Variants in MAGI3 observed in about 807,000 individuals in gnomAD.
MAGI3 encodes membrane associated guanylate kinase, WW and PDZ domain containing 3, also known as membrane-associated guanylate kinase, WW and PDZ domain-containing protein 3.
MAGI3 carries 43 observed loss-of-function variants against 121.8 expected under a neutral mutation model. The observed-to-expected ratio is 0.35, with a 90% confidence interval of 0.28 to 0.46. The LOEUF (loss-of-function observed/expected upper bound fraction) is 0.46. Among genes scored for constraint, MAGI3 ranks in the 20% least tolerant of loss-of-function variants. MAGI3 has a pLI of 1.00. For missense variants in MAGI3, 1,547 were observed against 1,797.3 expected (o/e 0.86, Z 2.52); for synonymous variants, 553 against 639.3 (o/e 0.86, Z 2.04).
rs188419468 is a variant in MAGI3, at chr1:113,547,036, T to C, written c.317-2479T>C. On this transcript the variant is annotated intron_variant, in intron 1 of 20. Transcript: ENST00000307546. ...AGGCGGAGGTTGCAGTGAGCCAAGA[T>C]TGTGCCACTGCACTCCAACCTGGGC... is the stretch of plus-strand genomic sequence containing the variant. Among the ~76,000 whole-genome samples the C allele has an allele frequency of 5.7e-3, 854 of 150,744 alleles. 6 individuals carry two copies. Among genetic ancestry groups the C allele is most frequent in the African/African-American group, 0.02 (820 of 40,908 alleles).
chr1:113,602,466 G>T (rs920335268), intron 6 of MAGI3, among the ~76,000 whole-genome samples: 1 of 152,174 alleles, frequency 6.6e-6, no homozygotes, highest in African/African-American at 2.4e-5. Context: ...GCAAAGCAGT[G>T]CTGAGAAGAA....
At chr1:113,665,787 T>C (rs886518596) in intron 16 of MAGI3, among the ~76,000 whole-genome samples, 1 of 152,148 alleles carries the variant, frequency 6.6e-6, no homozygotes, top group African/African-American at 2.4e-5. Context: ...ATAATGTTTA[T>C]TGCTGTAGTT....
chr1:113,633,073 T>C (rs1240233528), intron 9 of MAGI3, among the ~76,000 whole-genome samples: 2 of 99,806 alleles, frequency 2.0e-5, no homozygotes, highest in African/African-American at 4.1e-5. Context: ...CCCACAGCAG[T>C]CCCCAGAGTG....
intron 1 of MAGI3, among the ~76,000 whole-genome samples, chr1:113,424,399 C>G (rs1302658558): frequency 6.6e-6 from 1 of 152,104 alleles, no homozygotes; most frequent in African/African-American, 2.4e-5. Flanking sequence ...TAGAACCATA[C>G]CCACCTCTTT....
chr1:113,650,456 G>A (rs553400782), intron 13 of MAGI3, among the ~76,000 whole-genome samples: 9 of 152,272 alleles, frequency 5.9e-5, no homozygotes, highest in African/African-American at 1.9e-4. Flanking sequence ...TTCTAATGCT[G>A]GTGAGCAAAA....
intron 1 of MAGI3, among the ~76,000 whole-genome samples, chr1:113,465,249 C>T (rs1655223110): frequency 6.6e-6 from 1 of 151,942 alleles, no homozygotes; most frequent in Non-Finnish European, 1.5e-5. Context: ...GCAGCATCTA[C>T]TGAAAATACT....
At chr1:113,635,152 T>C (rs1570973134) in intron 9 of MAGI3, among the ~76,000 whole-genome samples, 2 of 152,236 alleles carry the variant, frequency 1.3e-5, no homozygotes, top group East Asian at 1.9e-4. Context: ...TTTCTAGATA[T>C]ACAATCATGT....
chr1:113,493,052 T>C (rs1192837314), intron 1 of MAGI3, among the ~76,000 whole-genome samples: 1 of 152,130 alleles, frequency 6.6e-6, no homozygotes, highest in Admixed American at 6.6e-5. Flanking sequence ...TTAAAATTCA[T>C]ATGGAACCAA....
intron 1 of MAGI3, among the ~76,000 whole-genome samples, chr1:113,494,270 C>CA (rs996607636): frequency 6.6e-6 from 1 of 152,094 alleles, no homozygotes; most frequent in African/African-American, 2.4e-5. Context: ...AACAGAAAAC[C>CA]AAATACCACA....
At chr1:113,533,785 C>CTTT (rs77624151) in intron 1 of MAGI3, among the ~76,000 whole-genome samples, 2 of 135,286 alleles carry the variant, frequency 1.5e-5, no homozygotes, top group Admixed American at 7.3e-5. Context: ...TTTTCTTTTT[C>CTTT]TTTTTTTTTT....
chr1:113,683,445 CA>C lies in MAGI3; in HGVS notation c.3883del (p.Ile1295LeufsTer15). ...RGRSASPKKQ[Q>X]KIEGSKAPSN... The stretch of plus-strand genomic sequence containing the variant: ...TCGGTCGGCCAGCCCAAAAAAGCAG[CA>C]AAAAATTGAAGGAAGCAAAGCTCCA... On this transcript the variant is annotated frameshift_variant, in exon 21 of 21. Transcript: ENST00000307546. LOFTEE classifies it low-confidence loss of function (END_TRUNC). 7.4e-6 allele frequency: 12 copies of C among 1,613,772 alleles called. No homozygotes were observed. The highest frequency in any genetic ancestry group is 1.0e-5 in the Non-Finnish European group (12 of 1,179,860).
chr1:113,490,631 G>A (rs1656624310), intron 1 of MAGI3, among the ~76,000 whole-genome samples: 1 of 152,146 alleles, frequency 6.6e-6, no homozygotes, highest in Non-Finnish European at 1.5e-5. Flanking sequence ...CAAGAGACCA[G>A]TCTCACACGG....
chr1:113,464,551 T>C (rs1390121781), intron 1 of MAGI3, among the ~76,000 whole-genome samples: 1 of 152,172 alleles, frequency 6.6e-6, no homozygotes, highest in Non-Finnish European at 1.5e-5. Flanking sequence ...AGTTCTATTT[T>C]TTATTTCTTC....
intron 2 of MAGI3, among the ~76,000 whole-genome samples, chr1:113,552,299 G>A (rs1358269028): frequency 6.6e-6 from 1 of 152,026 alleles, no homozygotes; most frequent in Non-Finnish European, 1.5e-5. Context: ...TTTGTTTGTG[G>A]CCTTTATACT....
At position 113,653,919 on chromosome 1, in the gene MAGI3, C is replaced by G. The variant is rs1653322322; in HGVS notation, c.2530C>G (p.Pro844Ala). ...GAACCGGGCAGAGGTCCCAGCCAGG[C>G]CTGCACCCCAGGAGCCCTATGATGT... ...RLNRAEVPAR[P>A]APQEPYDVVL... The change falls in exon 15 of 21, where the codon CCT becomes GCT. Residue 844 changes from proline (P) to alanine (A), a missense_variant. By Grantham distance (27) the Pro-to-Ala change is conservative (BLOSUM62 -1). Coordinates refer to ENST00000307546, the MANE Select transcript of MAGI3 (RefSeq NM_001142782.2). The G allele has an allele frequency of 6.2e-7, 1 of 1,613,950 alleles. No homozygotes were observed. Among genetic ancestry groups the G allele is most frequent in the Non-Finnish European group, 8.5e-7 (1 of 1,179,980 alleles).
intron 16 of MAGI3, among the ~76,000 whole-genome samples, chr1:113,664,364 C>T (rs1440905404): frequency 6.6e-6 from 1 of 152,204 alleles, no homozygotes; most frequent in African/African-American, 2.4e-5. Context: ...TCCCTATAGA[C>T]AGTCACATTG....
intron 1 of MAGI3, among the ~76,000 whole-genome samples, chr1:113,434,718 CTTAT>C (rs984418044): frequency 6.6e-6 from 1 of 152,154 alleles, no homozygotes; most frequent in Admixed American, 6.5e-5. Context: ...GGATCAGTTT[CTTAT>C]TTATCTTTTG....
At chr1:113,638,191 C>T (rs1384507071) in intron 9 of MAGI3, among the ~76,000 whole-genome samples, 3 of 152,150 alleles carry the variant, frequency 2.0e-5, no homozygotes, top group Admixed American at 6.5e-5. Context: ...TCCTGTAGCT[C>T]GGAGTAGTTT....
chr1:113,598,766 A>C (rs888110239), intron 6 of MAGI3, among the ~76,000 whole-genome samples: 1 of 152,200 alleles, frequency 6.6e-6, no homozygotes, highest in Admixed American at 6.5e-5. Context: ...TAGATAGATC[A>C]TTGGAGCAGA....
Sources: allele counts gnomAD v4.1 joint callset (sites outside exome capture counted in the v4.1 genomes callset), GRCh38; gene constraint gnomAD v4.1.1; transcripts MANE v1.5; gene names NCBI Gene and HGNC (gene_info 2026-07-23, HGNC 2026-07-21).